The following ZBTB46 variants were observed in gnomAD, a reference collection of about 807,000 sequenced individuals.
ZBTB46 encodes the protein zinc finger and BTB domain-containing protein 46.
ZBTB46 carries 8 observed loss-of-function variants against 44.1 expected under a neutral mutation model. The ratio of observed to expected loss-of-function variants is 0.18; its 90% CI spans 0.11 to 0.33. ZBTB46 has a LOEUF of 0.33. Among genes scored for constraint, ZBTB46 ranks in the 10% least tolerant of loss-of-function variants. The pLI is 1.00. For synonymous variants in ZBTB46, 409 were observed against 382.3 expected, an observed-to-expected ratio of 1.07 and a Z score of -0.81; for missense variants, 651 against 847.7, an observed-to-expected ratio of 0.77 and a Z score of 2.88.
intron 1 of ZBTB46, among the ~76,000 whole-genome samples, chr20:63,828,715 G>T (rs987039754): frequency 1.3e-5 from 2 of 152,264 alleles, no homozygotes; most frequent in Non-Finnish European, 2.9e-5. Context: ...ATGGGAAGGG[G>T]CAAGGACTTC....
At chr20:63,785,005 A>G (rs11698179) in intron 2 of ZBTB46, among the ~76,000 whole-genome samples, 15,286 of 150,016 alleles carry the variant, frequency 0.1, 1,198 homozygotes, top group East Asian at 0.46. Context: ...AGGCCGAGGC[A>G]GGCGGATCAC....
intron 3 of ZBTB46, among the ~76,000 whole-genome samples, chr20:63,769,539 G>C (rs187926515): frequency 1.3e-5 from 2 of 152,272 alleles, no homozygotes; most frequent in Admixed American, 6.5e-5. Flanking sequence ...TGAACGCTTT[G>C]ATCAGCTGGC....
At chr20:63,821,157 T>G (rs1050013056) in intron 1 of ZBTB46, among the ~76,000 whole-genome samples, 1 of 151,188 alleles carries the variant, frequency 6.6e-6, no homozygotes, top group Non-Finnish European at 1.5e-5. Flanking sequence ...TCCCAAAGTA[T>G]TACAGGCGTG....
intron 3 of ZBTB46, 102 bp downstream of exon 3, chr20:63,775,576 C>T: frequency 6.9e-7 from 1 of 1,446,992 alleles, no homozygotes; most frequent in South Asian, 1.4e-5. Context: ...GGCCGAGCAG[C>T]AGGGACAGAC....
chr20:63,751,102 C>T (rs1012763842), intron 4 of ZBTB46, among the ~76,000 whole-genome samples: 8 of 152,190 alleles, frequency 5.3e-5, no homozygotes, highest in African/African-American at 1.7e-4. Flanking sequence ...GAATAGGAAA[C>T]ATGTCGGCCT....
At chr20:63,799,800 A>G (rs544302755) in intron 1 of ZBTB46, among the ~76,000 whole-genome samples, 1 of 152,300 alleles carries the variant, frequency 6.6e-6, no homozygotes, top group East Asian at 1.9e-4. Context: ...GGCCAGGACT[A>G]AGAGGCAAGG....
At position 63,781,169 on chromosome 20, in the gene ZBTB46, A is replaced by G. The variant is rs1174506121; in HGVS notation, c.938-5207T>C. On this transcript the variant is annotated intron_variant, in intron 2 of 4. Coordinates refer to ENST00000245663, the MANE Select transcript of ZBTB46 (RefSeq NM_001369741.1). The stretch of plus-strand genomic sequence containing the variant: ...AAAAAAAAAAAAAAAAAAAAGAAAG[A>G]AAAAAGGAGCCAAAGGCCAAGAGAA... Among the ~76,000 whole-genome samples, 20 of 151,506 alleles carry G rather than the reference A, an allele frequency of 1.3e-4. No homozygotes were observed. In the East Asian group the frequency reaches 1.7e-3, roughly 13 times the overall value.
At position 63,789,148 on chromosome 20, in the gene ZBTB46, A is replaced by G. The variant is rs554764717; in HGVS notation, c.937+673T>C. On this transcript the variant is annotated intron_variant, in intron 2 of 4. Transcript: ENST00000245663. The stretch of plus-strand genomic sequence containing the variant: ...GTCTCAAAAAAAAAAAGAAAAAGAG[A>G]AAAGAGAGGAAACAAACATCGCCTG... 1.5e-3 allele frequency among the ~76,000 whole-genome samples: 224 copies of G among 151,686 alleles called. 1 individual carries two copies. The highest frequency in any genetic ancestry group is 0.01 in the Middle Eastern group (3 of 294).
chr20:63,802,024 A>AC (rs1315333981), intron 1 of ZBTB46, among the ~76,000 whole-genome samples: 1 of 151,276 alleles, frequency 6.6e-6, no homozygotes, highest in Non-Finnish European at 1.5e-5. Context: ...TACGGGTTGA[A>AC]CCCCCCGCCC....
At chr20:63,810,223 G>A (rs2092709905) in intron 1 of ZBTB46, among the ~76,000 whole-genome samples, 1 of 152,196 alleles carries the variant, frequency 6.6e-6, no homozygotes. Context: ...GTGACAAACA[G>A]AAAAAGACCC....
rs760205101 is a variant in ZBTB46 at position 63,767,007 on chromosome 20, C to G, written c.1222+8671G>C. ...GCTGCTCTGGGTCCCTGGAGCCCAC[C>G]AAGTCCACAACCACCTGCTCTGAAT... On this transcript the variant is annotated intron_variant, in intron 3 of 4. Coordinates refer to ENST00000245663, the MANE Select transcript of ZBTB46 (RefSeq NM_001369741.1). The surrounding 1 kb of genome is among the most constrained non-coding windows in gnomAD (Gnocchi z 5.0). Among the ~76,000 whole-genome samples, 7 of 152,192 alleles carry G rather than the reference C, an allele frequency of 4.6e-5. No individual in the cohort carries two copies. Among genetic ancestry groups the G allele is most frequent in the Non-Finnish European group, 1.0e-4 (7 of 68,016 alleles).
intron 1 of ZBTB46, among the ~76,000 whole-genome samples, chr20:63,816,177 ATGCAGTGGGCACAGG>A (rs1568902985): frequency 6.9e-6 from 1 of 144,184 alleles, no homozygotes; most frequent in Admixed American, 6.8e-5. Context: ...GTGGGCACAG[ATGCAGTGGGCACAGG>A]TGCAGTGAGC....
chr20:63,804,561 T>C (rs1379960472), intron 1 of ZBTB46, among the ~76,000 whole-genome samples: 2 of 152,104 alleles, frequency 1.3e-5, no homozygotes, highest in African/African-American at 2.4e-5. Flanking sequence ...CACATCTCAA[T>C]GCTGGACAGG....
chr20:63,802,205 T>G (rs2092651128), intron 1 of ZBTB46, among the ~76,000 whole-genome samples: 1 of 152,126 alleles, frequency 6.6e-6, no homozygotes, highest in African/African-American at 2.4e-5. Flanking sequence ...GGCAGATTGC[T>G]TGAGGCCAGG....
chr20:63,748,744 C>T (rs141981392), intron 4 of ZBTB46, among the ~76,000 whole-genome samples: 4,137 of 152,344 alleles, frequency 0.027, 88 homozygotes, highest in Middle Eastern at 0.088. Context: ...GGCTGTCTCC[C>T]GGGGCCTGCA....
chr20:63,815,211 CACGAGTGCAAGT>C, intron 1 of ZBTB46: 1 of 212,284 alleles, frequency 4.7e-6, no homozygotes, highest in East Asian at 1.7e-4. Context: ...GTGCAGTGGG[CACGAGTGCAAGT>C]GCAGTGAGTG....
intron 1 of ZBTB46, among the ~76,000 whole-genome samples, chr20:63,830,402 GCGCGCCCCGAGCCCTC>G (rs1036904361): frequency 4.6e-5 from 7 of 150,620 alleles, no homozygotes; most frequent in East Asian, 2.0e-4. Context: ...CGTCCGCCCC[GCGCGCCCCGAGCCCTC>G]CGCGCCCCGA....
rs13044136 is a variant in ZBTB46 at position 63,747,408 on chromosome 20, A to C, written c.1399-107T>G. On this transcript the variant is annotated intron_variant, in intron 4 of 4. Transcript: ENST00000245663. ...GGGGGGGCAGGTGGTGAGCAGGGCCAGGTGGAGGTTGGAAGAGGGGGCAGG... is the reference window on the plus strand; with the variant it reads ...GGGGGGGCAGGTGGTGAGCAGGGCCCGGTGGAGGTTGGAAGAGGGGGCAGG... 2.2e-4 allele frequency: 31 copies of C among 137,806 alleles called. 2 individuals carry two copies. Among genetic ancestry groups the C allele is most frequent in the Middle Eastern group, 2.8e-3 (1 of 352 alleles). The allele number at this position is 137,806 out of a possible 1,614,324, so 8.5% of individuals were successfully genotyped here.
chr20:63,745,406 C>A lies in ZBTB46; in HGVS notation c.*1524G>T, dbSNP rs2092078842. On this transcript the variant is annotated 3_prime_UTR_variant, in exon 5 of 5. Transcript: ENST00000245663. ...CCTCCATGTACTCCTCCACAGGACC[C>A]CCGGCCAGCCCCAGCCCTCCCCGAG... 1 of 152,264 alleles carries A rather than the reference C, an allele frequency of 6.6e-6. No individual in the cohort carries two copies. The allele number at this position is 152,264 out of a possible 1,614,324, so 9.4% of individuals were successfully genotyped here.
Sources: allele counts gnomAD v4.1 joint callset (sites outside exome capture counted in the v4.1 genomes callset), GRCh38; gene constraint gnomAD v4.1.1; non-coding constraint Gnocchi (gnomAD v3.1); transcripts MANE v1.5; gene names NCBI Gene and HGNC (gene_info 2026-07-23, HGNC 2026-07-21).